The following ATP10A variants were observed in gnomAD, a reference collection of about 807,000 sequenced individuals.
The protein encoded by ATP10A is ATPase phospholipid transporting 10A (putative).
In ATP10A, 111 loss-of-function variants were observed where a neutral mutation model predicts 147.8. The observed-to-expected ratio is 0.75, with a 90% CI of 0.64 to 0.88. ATP10A has a LOEUF of 0.88. ATP10A is among the 40% of genes least tolerant of loss of function. The pLI is 0.00. For synonymous variants in ATP10A, 875 were observed against 841.6 expected (o/e 1.04, Z -0.69); for missense variants, 1,927 against 1,959.0 (o/e 0.98, Z 0.31).
At chr15:25,728,008 AGGC>A in intron 3 of ATP10A, among the ~76,000 whole-genome samples, 2 of 152,182 alleles carry the variant, frequency 1.3e-5, no homozygotes, top group East Asian at 3.9e-4. Flanking sequence ...ACTGTAGCCC[AGGC>A]CTGCTGTGGT....
intron 1 of ATP10A, among the ~76,000 whole-genome samples, chr15:25,793,167 G>A (rs570642012): frequency 6.6e-6 from 1 of 152,232 alleles, no homozygotes; most frequent in East Asian, 1.9e-4. Flanking sequence ...CACTGCACCT[G>A]GCCTCAATCT....
chr15:25,836,469 G>C (rs908769323), intron 1 of ATP10A, among the ~76,000 whole-genome samples: 2 of 152,168 alleles, frequency 1.3e-5, no homozygotes, highest in African/African-American at 4.8e-5. Context: ...AAAATGAGAA[G>C]CATTTAAGGC....
At chr15:25,821,719 C>A (rs1255489524) in intron 1 of ATP10A, among the ~76,000 whole-genome samples, 2 of 152,162 alleles carry the variant, frequency 1.3e-5, no homozygotes, top group Admixed American at 1.3e-4. Flanking sequence ...ACATTGTAGT[C>A]TTTAGAAATC....
chr15:25,733,986 C>T (rs147070481), intron 3 of ATP10A, among the ~76,000 whole-genome samples: 13 of 152,278 alleles, frequency 8.5e-5, no homozygotes, highest in South Asian at 2.1e-4. Flanking sequence ...GCATCTTCCC[C>T]GGCACCCGGG....
chr15:25,796,756 C>T (rs1240749324), intron 1 of ATP10A, among the ~76,000 whole-genome samples: 1 of 152,198 alleles, frequency 6.6e-6, no homozygotes, highest in African/African-American at 2.4e-5. Context: ...TCAACTAGGC[C>T]ACAGGACAAT....
At chr15:25,790,751 T>C (rs188840612) in intron 1 of ATP10A, among the ~76,000 whole-genome samples, 1 of 152,346 alleles carries the variant, frequency 6.6e-6, no homozygotes, top group East Asian at 1.9e-4. Flanking sequence ...TACTGTGGCC[T>C]TTTCTGCATA....
intron 12 of ATP10A, among the ~76,000 whole-genome samples, chr15:25,702,397 T>A (rs1310168606): frequency 1.3e-5 from 2 of 152,252 alleles, no homozygotes; most frequent in Non-Finnish European, 2.9e-5. Context: ...TACACCAAAG[T>A]ACCTCAACTT....
downstream of ATP10A, among the ~76,000 whole-genome samples, chr15:25,673,544 C>T (rs554840390): frequency 3.9e-5 from 6 of 152,328 alleles, no homozygotes; most frequent in East Asian, 7.7e-4. Flanking sequence ...GAACTGGACC[C>T]GACAGCTGGG....
Position 25,808,552 on chromosome 15 carries a change from T to G in ATP10A, c.450-27329A>C, listed in dbSNP as rs895051541. On this transcript the variant is annotated intron_variant, in intron 1 of 20. Transcript: ENST00000555815. ...GGCATGCGCCACCACGCCTGGCTAA[T>G]TTTGTATTTTTCCTAGAGATGGGGT... Among the ~76,000 whole-genome samples the G allele has an allele frequency of 2.6e-5, 4 of 152,282 alleles. No individual in the cohort carries two copies. The South Asian group carries it at 8.3e-4, about 32-fold the overall frequency.
rs780737699 is a variant in ATP10A, at chr15:25,726,049, C to A, written c.881G>T (p.Gly294Val). ...HETKALLNNS[G>V]PRYKRSKLER... ...CAGCTTGCTGCGCTTGTAGCGGGGC[C>A]CACTGTTGTTCAGCAGAGCCTTGGT... The change falls in exon 5 of 21, where the codon GGG (glycine) becomes GTG (valine). Residue 294 changes from glycine to valine, a missense_variant. By Grantham distance (109) the Gly-to-Val change is moderately radical. Transcript: ENST00000555815. 6.8e-6 allele frequency: 11 copies of A among 1,614,038 alleles called. No individual in the cohort carries two copies. The highest frequency in any genetic ancestry group is 9.3e-6 in the Non-Finnish European group (11 of 1,179,966).
chr15:25,736,044 C>T lies in ATP10A; in HGVS notation c.740+12G>A. On this transcript the variant is annotated intron_variant, in intron 3 of 20. Transcript: ENST00000555815. ...ACAGAAGGATGCGCGCAGGCAGACA[C>T]ACGATACTCACATGCAGCCGCGAAA... 1 of 1,608,558 alleles carries T rather than the reference C, an allele frequency of 6.2e-7. No individual in the cohort carries two copies. Among genetic ancestry groups the T allele is most frequent in the East Asian group, 2.2e-5 (1 of 44,868 alleles).
chr15:25,741,938 T>A (rs2140512236), intron 2 of ATP10A, among the ~76,000 whole-genome samples: 1 of 152,362 alleles, frequency 6.6e-6, no homozygotes, highest in South Asian at 2.1e-4. Flanking sequence ...AAAGTGATAA[T>A]TTCTCCAAGT....
intron 1 of ATP10A, among the ~76,000 whole-genome samples, chr15:25,834,879 A>C (rs1018979103): frequency 6.6e-6 from 1 of 152,242 alleles, no homozygotes; most frequent in East Asian, 1.9e-4. Context: ...TGTATTACAC[A>C]TGATCCATTT....
At chr15:25,818,557 C>T (rs927654897) in intron 1 of ATP10A, among the ~76,000 whole-genome samples, 1 of 151,996 alleles carries the variant, frequency 6.6e-6, no homozygotes. Context: ...TCAAAGCAAT[C>T]CCTATCAAAA....
At chr15:25,830,735 A>G (rs1041508271) in intron 1 of ATP10A, among the ~76,000 whole-genome samples, 14 of 152,248 alleles carry the variant, frequency 9.2e-5, no homozygotes, top group Admixed American at 3.3e-4. Context: ...TTGTCCCATG[A>G]GGTCATGACA....
chr15:25,832,079 C>G (rs28661100), intron 1 of ATP10A, among the ~76,000 whole-genome samples: 32,371 of 152,018 alleles, frequency 0.21, 3,523 homozygotes, highest in African/African-American at 0.25. Flanking sequence ...AGACTCATGA[C>G]AGAGAAGACA....
At chr15:25,796,391 C>T (rs184370643) in intron 1 of ATP10A, among the ~76,000 whole-genome samples, 2 of 100,514 alleles carry the variant, frequency 2.0e-5, no homozygotes, top group Non-Finnish European at 4.0e-5. Context: ...AACAAAAGAG[C>T]GAGACCCTGT....
At chr15:25,709,409 T>A (rs992793792) in intron 10 of ATP10A, 1 of 152,232 alleles carries the variant, frequency 6.6e-6, no homozygotes, top group African/African-American at 2.4e-5. Context: ...AGCAAAGCCG[T>A]GCCTAACTGA....
intron 2 of ATP10A, among the ~76,000 whole-genome samples, chr15:25,759,027 C>A (rs1463121867): frequency 2.0e-5 from 3 of 152,240 alleles, no homozygotes; most frequent in Non-Finnish European, 4.4e-5. Context: ...TGCGATCTAA[C>A]CCTAGCCAAT....
Sources: allele counts gnomAD v4.1 joint callset (sites outside exome capture counted in the v4.1 genomes callset), GRCh38; gene constraint gnomAD v4.1.1; transcripts MANE v1.5; gene names NCBI Gene and HGNC (gene_info 2026-07-23, HGNC 2026-07-21).